ATE1: variants seen among roughly 807,000 people sequenced by gnomAD.
ATE1 encodes arginyl-tRNA--protein transferase 1.
ATE1 carries 36 observed loss-of-function variants against 70.5 expected under a neutral mutation model. The observed-to-expected ratio is 0.51, with a 90% CI of 0.39 to 0.67. ATE1 has a LOEUF of 0.67. Among genes scored for constraint, ATE1 ranks in the 30% least tolerant of loss-of-function variants. The probability of loss-of-function intolerance (pLI) is 0.00; values close to 1 mark genes in which losing one functional copy is unlikely to be tolerated. For missense variants in ATE1, 593 were observed against 629.5 expected, an observed-to-expected ratio of 0.94 and a Z score of 0.62; for synonymous variants, 232 against 219.3, an observed-to-expected ratio of 1.06 and a Z score of -0.51.
intron 10 of ATE1, among the ~76,000 whole-genome samples, chr10:121,796,698 T>C (rs553456299): frequency 6.6e-6 from 1 of 152,294 alleles, no homozygotes; most frequent in South Asian, 2.1e-4. Context: ...TGTCATAGAA[T>C]GAAAATCTAG....
intron 3 of ATE1, among the ~76,000 whole-genome samples, chr10:121,915,903 A>G (rs1951633703): frequency 6.7e-6 from 1 of 148,250 alleles, no homozygotes; most frequent in South Asian, 2.1e-4. Context: ...AAAAAAAACA[A>G]AACAAAACAA....
intron 3 of ATE1, 86 bp from the exon 4 acceptor site, chr10:121,913,979 A>G (rs1951544433): frequency 3.1e-6 from 3 of 969,988 alleles, no homozygotes; most frequent in Middle Eastern, 2.3e-4. Context: ...GTACAATGAG[A>G]CCATCTCATG....
chr10:121,860,313 G>A (rs556661799), intron 8 of ATE1, among the ~76,000 whole-genome samples: 1 of 152,320 alleles, frequency 6.6e-6, no homozygotes, highest in South Asian at 2.1e-4. Flanking sequence ...CCAACTCTCA[G>A]TTTAGTGTCT....
At chr10:121,752,984 G>A (rs1158365386) in intron 11 of ATE1, among the ~76,000 whole-genome samples, 1 of 152,152 alleles carries the variant, frequency 6.6e-6, no homozygotes, top group Non-Finnish European at 1.5e-5. Flanking sequence ...GACATGGGAT[G>A]TTTTCTTCAC....
chr10:121,806,363 A>C (rs1320112383), intron 10 of ATE1, among the ~76,000 whole-genome samples: 1 of 152,094 alleles, frequency 6.6e-6, no homozygotes, highest in Non-Finnish European at 1.5e-5. Flanking sequence ...TGAAGTGGGA[A>C]GATCACTTGA....
intron 1 of ATE1, among the ~76,000 whole-genome samples, chr10:121,924,900 A>G (rs1250495515): frequency 2.0e-5 from 3 of 152,204 alleles, no homozygotes; most frequent in African/African-American, 7.2e-5. Context: ...AATAGTCTCT[A>G]TGACAGCATA....
chr10:121,814,494 T>C (rs561286747), intron 10 of ATE1, among the ~76,000 whole-genome samples: 1 of 152,324 alleles, frequency 6.6e-6, no homozygotes, highest in East Asian at 1.9e-4. Context: ...CATTTCCAAC[T>C]TACTGCTGCA....
At chr10:121,895,924 C>CAAA (rs529211208) in intron 7 of ATE1, among the ~76,000 whole-genome samples, 1 of 127,364 alleles carries the variant, frequency 7.9e-6, no homozygotes, top group African/African-American at 3.0e-5. Context: ...CTCCCCCCAC[C>CAAA]AAAAAAAAAA....
chr10:121,859,178 T>C (rs565168677), intron 8 of ATE1, among the ~76,000 whole-genome samples: 16 of 152,336 alleles, frequency 1.1e-4, no homozygotes, highest in African/African-American at 3.8e-4. Flanking sequence ...TCTGTTATAA[T>C]GCTCATATAA....
intron 5 of ATE1, among the ~76,000 whole-genome samples, chr10:121,905,298 T>C (rs1395335392): frequency 2.6e-5 from 4 of 152,226 alleles, no homozygotes; most frequent in Non-Finnish European, 4.4e-5. Context: ...GTTTTACCTA[T>C]ATAAACATTC....
intron 11 of ATE1, among the ~76,000 whole-genome samples, chr10:121,748,916 T>C (rs1236545684): frequency 6.6e-6 from 1 of 152,176 alleles, no homozygotes; most frequent in Admixed American, 6.5e-5. Flanking sequence ...GCTTGTAGGA[T>C]TGTTGTTTAA....
At chr10:121,861,754 A>T (rs1211131399) in intron 8 of ATE1, among the ~76,000 whole-genome samples, 6 of 151,858 alleles carry the variant, frequency 4.0e-5, no homozygotes, top group African/African-American at 7.2e-5. Flanking sequence ...TATAATAAAA[A>T]AAAAAAAAAG....
chr10:121,811,951 C>CT (rs71022870), intron 10 of ATE1, among the ~76,000 whole-genome samples: 2,380 of 74,594 alleles, frequency 0.032, 47 homozygotes, highest in African/African-American at 0.049. Flanking sequence ...ATTCCAAATT[C>CT]TTTTTTTTTT....
chr10:121,928,076 G>C (rs1175678194), upstream of ATE1: 17 of 1,205,910 alleles, frequency 1.4e-5, no homozygotes, highest in South Asian at 1.6e-4. Flanking sequence ...TCGGGCGCCC[G>C]CAGGCCCGGC....
chr10:121,770,701 A>G (rs1055372424), intron 11 of ATE1, among the ~76,000 whole-genome samples: 2 of 150,426 alleles, frequency 1.3e-5, no homozygotes, highest in African/African-American at 2.4e-5. Flanking sequence ...ATTGTTCAAG[A>G]TAAGTGGGGG....
chr10:121,850,869 A>C (rs1261868867), intron 8 of ATE1, among the ~76,000 whole-genome samples: 1 of 151,830 alleles, frequency 6.6e-6, no homozygotes, highest in Non-Finnish European at 1.5e-5. Flanking sequence ...AGGTGGGTGG[A>C]TCACGAGGTC....
chr10:121,860,621 T>G (rs527857204), intron 8 of ATE1, among the ~76,000 whole-genome samples: 9 of 152,242 alleles, frequency 5.9e-5, no homozygotes, highest in Non-Finnish European at 1.2e-4. Context: ...TAAATGTTTT[T>G]AATAAGTTGG....
At chr10:121,810,561 C>T (rs184557447) in intron 10 of ATE1, among the ~76,000 whole-genome samples, 93 of 152,174 alleles carry the variant, frequency 6.1e-4, no homozygotes, top group African/African-American at 2.2e-3. Flanking sequence ...TGAGACACCG[C>T]GCCCGGCCAC....
At chr10:121,891,234 T>C (rs1445149976) in intron 7 of ATE1, among the ~76,000 whole-genome samples, 1 of 152,112 alleles carries the variant, frequency 6.6e-6, no homozygotes, top group Non-Finnish European at 1.5e-5. Flanking sequence ...GCTCAGGGGA[T>C]TGGGTTGATC....
Sources: gnomAD v4.1 joint callset for allele counts (sites outside exome capture counted in the v4.1 genomes callset) on GRCh38, gnomAD v4.1.1 for gene constraint, MANE v1.5 for transcripts, NCBI Gene and HGNC (gene_info 2026-07-23, HGNC 2026-07-21) for gene names.